The following MYO5B variants were observed in gnomAD, a reference collection of about 807,000 sequenced individuals.
MYO5B encodes myosin VB.
MYO5B carries 143 observed loss-of-function variants against 229.3 expected under a neutral mutation model. The ratio of observed to expected loss-of-function variants is 0.62; its 90% CI spans 0.54 to 0.72. The LOEUF is 0.72. Among genes scored for constraint, MYO5B ranks in the 30% least tolerant of loss-of-function variants. The pLI is 0.00. For missense variants in MYO5B, 2,321 were observed against 2,331.0 expected (o/e 1.00, Z 0.09); for synonymous variants, 918 against 885.2 (o/e 1.04, Z -0.66).
intron 4 of MYO5B, among the ~76,000 whole-genome samples, chr18:50,009,095 G>T (rs980715135): frequency 8.5e-5 from 13 of 152,166 alleles, no homozygotes; most frequent in Admixed American, 8.5e-4. Flanking sequence ...TAGTATATAT[G>T]TGCCGAGCGC....
intron 14 of MYO5B, among the ~76,000 whole-genome samples, chr18:49,952,650 C>T (rs1270978892): frequency 1.3e-5 from 2 of 152,132 alleles, no homozygotes; most frequent in East Asian, 3.8e-4. Flanking sequence ...GCCTTCTTTC[C>T]TCTACCTGTA....
chr18:50,018,192 T>G (rs1239460245), intron 4 of MYO5B, among the ~76,000 whole-genome samples: 1 of 152,128 alleles, frequency 6.6e-6, no homozygotes, highest in African/African-American at 2.4e-5. Flanking sequence ...TCAAGCAATC[T>G]CCTGCTACCT....
chr18:50,026,204 GT>G (rs1484281569), intron 4 of MYO5B, among the ~76,000 whole-genome samples: 3 of 152,160 alleles, frequency 2.0e-5, no homozygotes, highest in Admixed American at 6.5e-5. Flanking sequence ...ATGATCAGTG[GT>G]GTCTGGCTAG....
At chr18:49,859,339 T>C (rs1051301857) in intron 29 of MYO5B, among the ~76,000 whole-genome samples, 4 of 152,258 alleles carry the variant, frequency 2.6e-5, no homozygotes, top group East Asian at 1.9e-4. Context: ...TAATATTTAC[T>C]TGGCCTCTGT....
chr18:50,015,066 A>G (rs536354821), intron 4 of MYO5B, among the ~76,000 whole-genome samples: 2 of 152,294 alleles, frequency 1.3e-5, no homozygotes, highest in Admixed American at 6.5e-5. Flanking sequence ...CTTGACCAAA[A>G]ATTAGAAGTT....
rs565749643 is a variant in MYO5B, at chr18:50,005,944, C to T, written c.456-4533G>A. On this transcript the variant is annotated intron_variant, in intron 4 of 39. Coordinates refer to ENST00000285039, the MANE Select transcript of MYO5B (RefSeq NM_001080467.3). ...ATTATTTCACCAGCTTGTAAAGTCCCCCATTACTTGCTTTGTCCTCCTTTT... is the reference window on the plus strand; with the variant it reads ...ATTATTTCACCAGCTTGTAAAGTCCTCCATTACTTGCTTTGTCCTCCTTTT... Among the ~76,000 whole-genome samples the T allele has an allele frequency of 9.2e-5, 14 of 152,312 alleles. 1 individual carries two copies. Among genetic ancestry groups the T allele is most frequent in the Admixed American group, 9.1e-4 (14 of 15,304 alleles).
At chr18:50,131,620 G>GATA (rs2032255788) in intron 1 of MYO5B, among the ~76,000 whole-genome samples, 1 of 152,118 alleles carries the variant, frequency 6.6e-6, no homozygotes, top group Non-Finnish European at 1.5e-5. Context: ...ATTATTCTTT[G>GATA]ATAGCAAGGT....
At chr18:49,888,345 G>C (rs1598858873) in intron 22 of MYO5B, among the ~76,000 whole-genome samples, 1 of 152,118 alleles carries the variant, frequency 6.6e-6, no homozygotes, top group Admixed American at 6.5e-5. Context: ...CCCCGATTGA[G>C]AATCACTACA....
chr18:49,918,087 A>G (rs1206413300), intron 17 of MYO5B, among the ~76,000 whole-genome samples: 1 of 152,214 alleles, frequency 6.6e-6, no homozygotes, highest in Admixed American at 6.5e-5. Context: ...CACGGCTGCT[A>G]AGAATGGTGC....
chr18:49,986,987 A>C (rs2025877070), intron 7 of MYO5B, among the ~76,000 whole-genome samples: 1 of 152,206 alleles, frequency 6.6e-6, no homozygotes, highest in Non-Finnish European at 1.5e-5. Context: ...TGTCAGCCAA[A>C]CACATCAGAA....
At chr18:49,990,196 A>G (rs1438561647) in intron 7 of MYO5B, among the ~76,000 whole-genome samples, 1 of 152,226 alleles carries the variant, frequency 6.6e-6, no homozygotes, top group Non-Finnish European at 1.5e-5. Flanking sequence ...ATGCCATGCA[A>G]AACACTTTTC....
At chr18:50,040,813 G>A (rs1240550132) in intron 2 of MYO5B, among the ~76,000 whole-genome samples, 1 of 152,108 alleles carries the variant, frequency 6.6e-6, no homozygotes, top group East Asian at 1.9e-4. Context: ...GTTCTTCTAG[G>A]GCAGTAATTT....
rs1568049625 is a variant in MYO5B, at chr18:49,963,032, T to C, written c.1323-2A>G. The C allele has an allele frequency of 6.2e-7, 1 of 1,612,710 alleles. No individual in the cohort carries two copies. Among genetic ancestry groups the C allele is most frequent in the Non-Finnish European group, 8.5e-7 (1 of 1,178,772 alleles). On this transcript the variant is annotated splice_acceptor_variant, in intron 10 of 39. Coordinates refer to ENST00000285039, the MANE Select transcript of MYO5B (RefSeq NM_001080467.3). LOFTEE classifies it high-confidence loss of function. ...CTGTTTACCTCAAATGTCTCAAACC[T>C]ACAGAATGGAAAGAGAAGATAAGAG...
At chr18:49,905,629 C>T (rs2024890457) in intron 19 of MYO5B, among the ~76,000 whole-genome samples, 1 of 152,194 alleles carries the variant, frequency 6.6e-6, no homozygotes, top group South Asian at 2.1e-4. Context: ...TCTGTTTGGC[C>T]TCCAAACACA....
chr18:49,900,771 C>G (rs2024831955), intron 21 of MYO5B, among the ~76,000 whole-genome samples: 2 of 152,184 alleles, frequency 1.3e-5, no homozygotes, highest in African/African-American at 4.8e-5. Flanking sequence ...ACCTCAGAAG[C>G]CTGGTTCTGT....
At position 50,032,431 on chromosome 18, in the gene MYO5B, A is replaced by G. The variant is rs138010550; in HGVS notation, c.455+4419T>C. ...ACTTTCTGTCTCTATAGATTTGCCT[A>G]TTCTGGACATTTTATAGAAATGGAA... On this transcript the variant is annotated intron_variant, in intron 4 of 39. Coordinates refer to ENST00000285039, the MANE Select transcript of MYO5B (RefSeq NM_001080467.3). Among the ~76,000 whole-genome samples the G allele has an allele frequency of 2.1e-3, 323 of 152,316 alleles. 1 individual carries two copies. Among genetic ancestry groups the G allele is most frequent in the Non-Finnish European group, 3.6e-3 (242 of 68,022 alleles).
chr18:49,925,081 T>C lies in MYO5B; in HGVS notation c.2090+4431A>G, dbSNP rs2025114079. Among the ~76,000 whole-genome samples the C allele has an allele frequency of 2.0e-5, 3 of 152,224 alleles. No homozygotes were observed. In the South Asian group the frequency reaches 6.2e-4, roughly 32 times the overall value. On this transcript the variant is annotated intron_variant, in intron 17 of 39. Transcript: ENST00000285039. ...TCAGGCCATGCTGGGAATGGGGAGCTGCACATGCCTCATTATACCCTCCTC... is the reference window on the plus strand; with the variant it reads ...TCAGGCCATGCTGGGAATGGGGAGCCGCACATGCCTCATTATACCCTCCTC...
chr18:50,027,329 C>T (rs1477372019), intron 4 of MYO5B, among the ~76,000 whole-genome samples: 1 of 152,078 alleles, frequency 6.6e-6, no homozygotes, highest in Admixed American at 6.6e-5. Context: ...CGTGTAGGAG[C>T]CACAGAAGCC....
At chr18:49,873,941 A>G (rs1188478375) in intron 26 of MYO5B, among the ~76,000 whole-genome samples, 1 of 152,202 alleles carries the variant, frequency 6.6e-6, no homozygotes. Context: ...CACTCAGTGC[A>G]TGGCCTCTCT....
Sources: allele counts gnomAD v4.1 joint callset (sites outside exome capture counted in the v4.1 genomes callset), GRCh38; gene constraint gnomAD v4.1.1; transcripts MANE v1.5; gene names NCBI Gene and HGNC (gene_info 2026-07-23, HGNC 2026-07-21).